RIMKLB: variants seen among roughly 807,000 people sequenced by gnomAD.
RIMKLB encodes the protein beta-citrylglutamate synthase B.
In RIMKLB, 7 loss-of-function variants were observed where a neutral mutation model predicts 32.0. The observed-to-expected ratio is 0.22, with a 90% CI of 0.12 to 0.41. RIMKLB has a LOEUF of 0.41. Ranked by LOEUF, RIMKLB falls within the 10% of genes least tolerant of loss-of-function variation. The pLI is 1.00. For missense variants in RIMKLB, 289 were observed against 498.7 expected, an observed-to-expected ratio of 0.58 and a Z score of 4.00; for synonymous variants, 172 against 185.1, an observed-to-expected ratio of 0.93 and a Z score of 0.57.
chr12:8,735,547 A>G (rs1565594351), intron 2 of RIMKLB, among the ~76,000 whole-genome samples: 2 of 151,696 alleles, frequency 1.3e-5, no homozygotes, highest in South Asian at 2.1e-4. Flanking sequence ...TTTTTTTTTA[A>G]TGTAAATACC....
intron 2 of RIMKLB, among the ~76,000 whole-genome samples, chr12:8,746,552 A>G (rs758072671): frequency 6.8e-6 from 1 of 146,900 alleles, no homozygotes; most frequent in Non-Finnish European, 1.5e-5. Flanking sequence ...GAGCCAAGAT[A>G]GTGCCACTGC....
At chr12:8,730,004 C>T (rs1209981302) in intron 2 of RIMKLB, among the ~76,000 whole-genome samples, 1 of 152,124 alleles carries the variant, frequency 6.6e-6, no homozygotes, top group Non-Finnish European at 1.5e-5. Context: ...GTATTCAAGT[C>T]CTTGGGATAA....
chr12:8,669,755 C>T, the RIMKLB span, among the ~76,000 whole-genome samples: 5 of 151,932 alleles, frequency 3.3e-5, no homozygotes, highest in Admixed American at 6.6e-5. Flanking sequence ...CGGCTGGGTG[C>T]GGTGGCTCAT....
intron 2 of RIMKLB, among the ~76,000 whole-genome samples, chr12:8,717,384 G>T (rs1233282823): frequency 6.6e-6 from 1 of 152,078 alleles, no homozygotes; most frequent in African/African-American, 2.4e-5. Context: ...GTTAAAGAGA[G>T]GGTATAGTTG....
chr12:8,680,154 G>T (rs1942377632), upstream of RIMKLB, among the ~76,000 whole-genome samples: 2 of 151,784 alleles, frequency 1.3e-5, no homozygotes, highest in Non-Finnish European at 2.9e-5. Context: ...GCATAAATAA[G>T]CCACGCCTTA....
Position 8,731,362 on chromosome 12 carries a change from T to C in RIMKLB, c.175+17321T>C, listed in dbSNP as rs186649164. Among the ~76,000 whole-genome samples the C allele has an allele frequency of 8.7e-4, 133 of 152,220 alleles. 2 individuals are homozygous for C. Among genetic ancestry groups the C allele is most frequent in the Admixed American group, 6.7e-3 (102 of 15,292 alleles). On this transcript the variant is annotated intron_variant, in intron 2 of 5. Coordinates refer to ENST00000535829, the MANE Select transcript of RIMKLB (RefSeq NM_001297776.2). ...ATCCACCCACATCGGCCTCCCAAAG[T>C]GCTGGGATTACAGGTGTGAGCCACT...
intron 1 of RIMKLB, among the ~76,000 whole-genome samples, chr12:8,708,657 T>A (rs1218566327): frequency 6.6e-6 from 1 of 152,168 alleles, no homozygotes; most frequent in East Asian, 1.9e-4. Flanking sequence ...GAACTAAAAG[T>A]TGGGAGAAAC....
chr12:8,697,575 T>C, upstream of RIMKLB: 1 of 164,732 alleles, frequency 6.1e-6, no homozygotes, highest in South Asian at 9.7e-5. Flanking sequence ...CGGTTTCGAG[T>C]TGGGAGCAAA....
chr12:8,678,943 G>C (rs1942360496), upstream of RIMKLB: 1 of 152,220 alleles, frequency 6.6e-6, no homozygotes, highest in Admixed American at 6.5e-5. Flanking sequence ...TACATGAAGA[G>C]GCTTGGTCAG....
rs1247145087 is a variant in RIMKLB, at chr12:8,773,711, T to G, written c.1088T>G (p.Leu363Arg). Residue 363 changes from leucine (L) to arginine (R), a missense_variant, in exon 6 of 6, where the codon CTC becomes CGC. Physicochemically the swap from Leu to Arg is moderately radical, Grantham distance 102. Around this residue, in one of 3 missense-constraint regions of RIMKLB, gnomAD observed 99 missense variants for 133.9 expected, o/e 0.74. Transcript: ENST00000535829. ...CCTGAAAGCACGGAGCGAGAGCTGC[T>G]CACCAAGCTCCCAGGGGGCCTGTTC... ...SDPESTEREL[L>R]TKLPGGLFNM... The G allele has an allele frequency of 6.2e-7, 1 of 1,614,230 alleles. No individual in the cohort carries two copies. The highest frequency in any genetic ancestry group is 1.7e-5 in the Admixed American group (1 of 60,030).
intron 1 of RIMKLB, among the ~76,000 whole-genome samples, chr12:8,682,877 C>A (rs935618278): frequency 6.7e-6 from 1 of 149,972 alleles, no homozygotes; most frequent in Admixed American, 6.6e-5. Flanking sequence ...CTCAGGTGAT[C>A]CGCCGGCCTC....
At chr12:8,733,412 G>A (rs1323950995) in intron 2 of RIMKLB, among the ~76,000 whole-genome samples, 1 of 152,052 alleles carries the variant, frequency 6.6e-6, no homozygotes. Context: ...CCATCGTGTA[G>A]TATCTGTTTA....
At chr12:8,727,083 C>T (rs1946081543) in intron 2 of RIMKLB, among the ~76,000 whole-genome samples, 1 of 152,174 alleles carries the variant, frequency 6.6e-6, no homozygotes, top group African/African-American at 2.4e-5. Context: ...ATTCCTCCCA[C>T]CAGTCCCTGA....
At chr12:8,751,529 A>G (rs1948621031) in intron 3 of RIMKLB, among the ~76,000 whole-genome samples, 1 of 152,184 alleles carries the variant, frequency 6.6e-6, no homozygotes, top group South Asian at 2.1e-4. Flanking sequence ...TTGATAATAA[A>G]AAGAGAATGT....
intron 2 of RIMKLB, among the ~76,000 whole-genome samples, chr12:8,727,380 G>A (rs781529493): frequency 2.0e-5 from 3 of 152,258 alleles, no homozygotes; most frequent in African/African-American, 7.2e-5. Flanking sequence ...GACTACAGGC[G>A]TGTGCCACCA....
chr12:8,766,036 T>G (rs1949930602), intron 5 of RIMKLB, among the ~76,000 whole-genome samples: 2 of 152,056 alleles, frequency 1.3e-5, no homozygotes, highest in South Asian at 4.2e-4. Context: ...TTCTTAGCGT[T>G]TGAGGGTCAA....
At chr12:8,679,450 C>A, upstream of RIMKLB, 1 of 153,248 alleles carries the variant, frequency 6.5e-6, no homozygotes. Flanking sequence ...GTGGGCCTCC[C>A]AAAGTGCTGG....
intron 2 of RIMKLB, among the ~76,000 whole-genome samples, chr12:8,723,720 C>T (rs964020410): frequency 6.6e-6 from 1 of 150,914 alleles, no homozygotes; most frequent in Non-Finnish European, 1.5e-5. Context: ...TTTTGTCTTT[C>T]TCTACTCCTT....
chr12:8,680,680 C>T (rs147970056), upstream of RIMKLB, among the ~76,000 whole-genome samples: 151 of 152,240 alleles, frequency 9.9e-4, no homozygotes, highest in Non-Finnish European at 1.6e-3. Context: ...CCTGTAACAC[C>T]GCTATACTGT....
Sources: allele counts gnomAD v4.1 joint callset (sites outside exome capture counted in the v4.1 genomes callset), GRCh38; gene constraint gnomAD v4.1.1; regional missense constraint gnomAD v4.1.1; transcripts MANE v1.5; gene names NCBI Gene and HGNC (gene_info 2026-07-23, HGNC 2026-07-21).